CR1: variants seen among roughly 807,000 people sequenced by gnomAD.
CR1 encodes the protein complement receptor type 1.
Under a neutral mutation model 187.3 loss-of-function variants are expected in CR1, and 116 were observed. The ratio of observed to expected loss-of-function variants is 0.62; its 90% CI spans 0.53 to 0.72. CR1 has a LOEUF of 0.72. Among genes scored for constraint, CR1 ranks in the 30% least tolerant of loss-of-function variants. The probability of loss-of-function intolerance (pLI) is 0.00; values close to 1 mark genes in which losing one functional copy is unlikely to be tolerated. For missense variants in CR1, 1,731 were observed against 2,110.7 expected, an observed-to-expected ratio of 0.82 and a Z score of 3.52; for synonymous variants, 576 against 747.1, an observed-to-expected ratio of 0.77 and a Z score of 3.73.
intron 27 of CR1, 147 bp from the exon 28 acceptor site, chr1:207,575,448 A>G (rs650877): frequency 0.24 from 236,431 of 973,324 alleles, 38,602 homozygotes; most frequent in African/African-American, 0.69. Flanking sequence ...AGAAAAAGAA[A>G]TAGAAGAGCT....
rs758055423 is a variant in CR1, at chr1:207,575,652, T to G, written c.4509T>G (p.His1503Gln). 5.2e-5 allele frequency: 84 copies of G among 1,611,718 alleles called. No individual in the cohort carries two copies. The highest frequency in any genetic ancestry group is 7.0e-5 in the Non-Finnish European group (83 of 1,179,706). ...AECILSGNTA[H>Q]WSTKPPICQR... The stretch of plus-strand genomic sequence containing the variant: ...GTATCCTCTCAGGCAATACTGCCCA[T>G]TGGAGCACGAAGCCGCCAATTTGTC... The change falls in exon 28 of 47, where the codon CAT becomes CAG. Residue 1503 changes from histidine (H) to glutamine (Q), a missense_variant. By Grantham distance (24) the His-to-Gln change is conservative. This residue lies in a region of CR1 where 1,312 missense variants were observed against 1,379.6 expected (regional missense o/e 0.95). Coordinates refer to ENST00000367049, the MANE Select transcript of CR1 (RefSeq NM_000651.6).
intron 27 of CR1, 68 bp from the exon 28 acceptor site, chr1:207,575,527 C>T: frequency 1.2e-6 from 2 of 1,601,906 alleles, no homozygotes; most frequent in South Asian, 2.2e-5. Context: ...TGGTTTGCCA[C>T]ATATGCATGC....
At chr1:207,615,708 T>A (rs1402418425) in intron 40 of CR1, among the ~76,000 whole-genome samples, 1 of 152,160 alleles carries the variant, frequency 6.6e-6, no homozygotes, top group Non-Finnish European at 1.5e-5. Context: ...TTATGGTGAG[T>A]ATTATGGTGA....
chr1:207,589,827 G>A (rs1163870391), intron 35 of CR1, among the ~76,000 whole-genome samples: 1 of 152,144 alleles, frequency 6.6e-6, no homozygotes, highest in East Asian at 1.9e-4. Context: ...GCATACACAA[G>A]TATCAATAGC....
intron 3 of CR1, among the ~76,000 whole-genome samples, chr1:207,508,156 C>G (rs12567973): frequency 0.2 from 30,305 of 152,060 alleles, 3,304 homozygotes; most frequent in South Asian, 0.44. Context: ...GGGGATGAAT[C>G]GGAAGAGCAC....
At chr1:207,501,433 ATTATGGTAGG>A (rs1659265518) in intron 1 of CR1, among the ~76,000 whole-genome samples, 1 of 152,340 alleles carries the variant, frequency 6.6e-6, no homozygotes, top group African/African-American at 2.4e-5. Flanking sequence ...AACTTTTAAA[ATTATGGTAGG>A]TCTTCAGTTT....
intron 33 of CR1, among the ~76,000 whole-genome samples, chr1:207,585,906 G>A (rs886563177): frequency 4.6e-5 from 7 of 152,134 alleles, no homozygotes; most frequent in African/African-American, 1.4e-4. Context: ...GGAGGCCGAG[G>A]TGAGAGGATT....
chr1:207,585,162 G>A (rs1447406937), intron 33 of CR1, among the ~76,000 whole-genome samples: 2 of 152,102 alleles, frequency 1.3e-5, no homozygotes, highest in South Asian at 4.2e-4. Flanking sequence ...TGTAAATCAG[G>A]AAGAAAAATG....
intron 35 of CR1, among the ~76,000 whole-genome samples, chr1:207,599,615 T>A (rs1306551842): frequency 1.3e-5 from 2 of 152,218 alleles, no homozygotes; most frequent in Non-Finnish European, 2.9e-5. Flanking sequence ...ATAAGACGTC[T>A]ACTATGAACT....
intron 44 of CR1, among the ~76,000 whole-genome samples, chr1:207,622,765 T>C (rs769065113): frequency 2.4e-4 from 37 of 152,306 alleles, no homozygotes; most frequent in East Asian, 3.9e-4. Context: ...TTGGAAAAGC[T>C]GACATTGGAC....
chr1:207,524,273 T>C (rs1660096858), intron 5 of CR1, among the ~76,000 whole-genome samples: 1 of 152,084 alleles, frequency 6.6e-6, no homozygotes, highest in South Asian at 2.1e-4. Flanking sequence ...AGTATAATAA[T>C]GGTTGATACA....
At chr1:207,617,149 C>T (rs1329804508) in intron 41 of CR1, among the ~76,000 whole-genome samples, 11 of 152,118 alleles carry the variant, frequency 7.2e-5, no homozygotes, top group East Asian at 1.9e-4. Flanking sequence ...TCTACTACTA[C>T]GAGTTATCTT....
intron 39 of CR1, among the ~76,000 whole-genome samples, chr1:207,614,088 A>C (rs1021542060): frequency 8.5e-5 from 13 of 152,196 alleles, no homozygotes; most frequent in East Asian, 1.9e-4. Flanking sequence ...ATGGAGAAGT[A>C]TGGTTCTGTG....
chr1:207,584,956 G>A, intron 33 of CR1, 80 bp downstream of exon 33: 1 of 1,565,148 alleles, frequency 6.4e-7, no homozygotes, highest in Non-Finnish European at 8.7e-7. Context: ...ATAAGACTAT[G>A]GTATTTGTTT....
At chr1:207,620,148 T>G in intron 43 of CR1, 83 bp downstream of exon 43, 2 of 1,386,068 alleles carry the variant, frequency 1.4e-6, no homozygotes, top group South Asian at 2.8e-5. Context: ...TCAAGTGTAG[T>G]GTGATGTTTA....
At position 207,638,759 on chromosome 1, in the gene CR1, A is replaced by G. The variant is rs140281891; in HGVS notation, c.7458-638A>G. ...CATTATAGTCTGAATCAACCACATCAGTACGAATTTGAACTCCCTTCAGAC... is the reference window on the plus strand; with the variant it reads ...CATTATAGTCTGAATCAACCACATCGGTACGAATTTGAACTCCCTTCAGAC... On this transcript the variant is annotated intron_variant, in intron 46 of 46. Coordinates refer to ENST00000367049, the MANE Select transcript of CR1 (RefSeq NM_000651.6). 9.2e-5 allele frequency among the ~76,000 whole-genome samples: 14 copies of G among 152,380 alleles called. 1 individual carries two copies. In the East Asian group the frequency reaches 2.7e-3, roughly 29 times the overall value.
At chr1:207,521,841 T>C (rs1660008069) in intron 4 of CR1, among the ~76,000 whole-genome samples, 1 of 148,158 alleles carries the variant, frequency 6.7e-6, no homozygotes, top group African/African-American at 2.5e-5. Flanking sequence ...TATATACTTT[T>C]TTTTTTTTGT....
intron 1 of CR1, among the ~76,000 whole-genome samples, chr1:207,499,289 C>A (rs1329019904): frequency 6.6e-6 from 1 of 152,038 alleles, no homozygotes; most frequent in East Asian, 1.9e-4. Context: ...GATAAAGGGG[C>A]CAATTATCCA....
At chr1:207,590,016 C>G (rs910003283) in intron 35 of CR1, among the ~76,000 whole-genome samples, 3 of 142,186 alleles carry the variant, frequency 2.1e-5, no homozygotes, top group African/African-American at 9.5e-5. Context: ...GAGAATGGAA[C>G]CAAGTTGGAA....
Sources: allele counts gnomAD v4.1 joint callset (sites outside exome capture counted in the v4.1 genomes callset), GRCh38; gene constraint gnomAD v4.1.1; regional missense constraint gnomAD v4.1.1; transcripts MANE v1.5; gene names NCBI Gene and HGNC (gene_info 2026-07-23, HGNC 2026-07-21).